FBN2: variants seen among roughly 807,000 people sequenced by gnomAD.
FBN2 encodes the protein fibrillin 2.
FBN2 carries 105 observed loss-of-function variants against 355.6 expected under a neutral mutation model. The observed-to-expected ratio is 0.30, with a 90% confidence interval of 0.25 to 0.35. FBN2 has a LOEUF of 0.35. Among genes scored for constraint, FBN2 ranks in the 10% least tolerant of loss-of-function variants. The pLI is 1.00. For missense variants in FBN2, 3,280 were observed against 3,758.7 expected, an observed-to-expected ratio of 0.87 and a Z score of 3.33; for synonymous variants, 1,350 against 1,301.2, an observed-to-expected ratio of 1.04 and a Z score of -0.81.
chr5:128,390,537 G>A (rs1240305069), intron 11 of FBN2, among the ~76,000 whole-genome samples: 4 of 152,140 alleles, frequency 2.6e-5, no homozygotes, highest in Non-Finnish European at 5.9e-5. Context: ...AATTGGTGAA[G>A]CCACAAAATT....
intron 4 of FBN2, among the ~76,000 whole-genome samples, chr5:128,524,275 TTC>T (rs1756509623): frequency 6.6e-6 from 1 of 152,170 alleles, no homozygotes; most frequent in African/African-American, 2.4e-5. Context: ...CAATGTCACC[TTC>T]TCAGAGACCC....
At chr5:128,486,360 C>T (rs567513351) in intron 5 of FBN2, among the ~76,000 whole-genome samples, 2 of 152,228 alleles carry the variant, frequency 1.3e-5, no homozygotes, top group Admixed American at 6.5e-5. Flanking sequence ...AAGATAACCC[C>T]ATTGACAACT....
Position 128,448,414 on chromosome 5 carries a change from C to T in FBN2, c.827-1808G>A, listed in dbSNP as rs192450497. Reference sequence around the variant, plus strand: ...CTCCACCTCCCAGGTTCAAGCGATTCTCCTGCCTCAGCCTTCCTGAGTAGC... The same window carrying T: ...CTCCACCTCCCAGGTTCAAGCGATTTTCCTGCCTCAGCCTTCCTGAGTAGC... On this transcript the variant is annotated intron_variant, in intron 6 of 64. Coordinates refer to ENST00000262464, the MANE Select transcript of FBN2 (RefSeq NM_001999.4). 2.4e-3 allele frequency among the ~76,000 whole-genome samples: 358 copies of T among 152,092 alleles called. 2 individuals are homozygous for T. Among genetic ancestry groups the T allele is most frequent in the African/African-American group, 8.3e-3 (343 of 41,482 alleles).
Position 128,335,179 on chromosome 5 carries a change from T to C in FBN2, c.3964A>G (p.Thr1322Ala), listed in dbSNP as rs367614052. ...TTCTTATGATACCCACCAATGCATG[T>C]TTTCATGTCCATGGAAGCCATGAAG... ...DGFMASMDMK[T>A]CIDVNECDLN... Residue 1322 changes from threonine to alanine, a missense_variant, in exon 30 of 65, where the codon ACA becomes GCA. Physicochemically the swap from Thr to Ala is moderately conservative, Grantham distance 58 (BLOSUM62 0). Around this residue, in one of 6 missense-constraint regions of FBN2, gnomAD observed 2,284 missense variants for 2,749.5 expected, o/e 0.83. Coordinates refer to ENST00000262464, the MANE Select transcript of FBN2 (RefSeq NM_001999.4). 2.5e-5 allele frequency: 40 copies of C among 1,614,048 alleles called. 1 individual carries two copies. In the South Asian group the frequency reaches 4.3e-4, roughly 17 times the overall value.
intron 6 of FBN2, among the ~76,000 whole-genome samples, chr5:128,451,797 A>T (rs1281264144): frequency 6.6e-6 from 1 of 152,232 alleles, no homozygotes; most frequent in African/African-American, 2.4e-5. Context: ...AAATCAGAGA[A>T]AAAATATGGT....
At position 128,311,933 on chromosome 5, in the gene FBN2, G is replaced by C; in HGVS notation, c.4900C>G (p.Pro1634Ala). 1 of 1,611,502 alleles carries C rather than the reference G, an allele frequency of 6.2e-7. No individual in the cohort carries two copies. Among genetic ancestry groups the C allele is most frequent in the Non-Finnish European group, 8.5e-7 (1 of 1,177,820 alleles). Residue 1634 changes from proline to alanine, a missense_variant, in exon 38 of 65, where the codon CCC (proline) becomes GCC (alanine). This residue lies in a region of FBN2 where 2,284 missense variants were observed against 2,749.5 expected (regional missense o/e 0.83). Coordinates refer to ENST00000262464, the MANE Select transcript of FBN2 (RefSeq NM_001999.4). Reference protein sequence around the residue: ...VNSTEYYTLCPGGEGFRPNPI... With the variant: ...VNSTEYYTLCAGGEGFRPNPI... Reference sequence around the variant, plus strand: ...TTAGGTCTGAAGCCTTCACCTCCGGGACACAGGGTGTAATATTCAGCTACA... The same window carrying C: ...TTAGGTCTGAAGCCTTCACCTCCGGCACACAGGGTGTAATATTCAGCTACA...
At chr5:128,536,367 G>C (rs372531375) in intron 2 of FBN2, 35 bp downstream of exon 2, 2 of 1,561,798 alleles carry the variant, frequency 1.3e-6, no homozygotes, top group Non-Finnish European at 1.8e-6. Context: ...GGCCGAGTGC[G>C]CTGCCCCAAG....
chr5:128,375,183 C>T (rs976001785), intron 14 of FBN2, among the ~76,000 whole-genome samples: 1 of 152,098 alleles, frequency 6.6e-6, no homozygotes, highest in Admixed American at 6.5e-5. Context: ...TTTCAATCCA[C>T]TTGAATTTAT....
At chr5:128,316,686 T>C (rs1750211020) in intron 36 of FBN2, among the ~76,000 whole-genome samples, 1 of 152,216 alleles carries the variant, frequency 6.6e-6, no homozygotes, top group Non-Finnish European at 1.5e-5. Flanking sequence ...GGTTTCCTAA[T>C]TTTTGCCAGT....
intron 7 of FBN2, among the ~76,000 whole-genome samples, chr5:128,441,280 C>T (rs1753912604): frequency 6.6e-6 from 1 of 152,200 alleles, no homozygotes; most frequent in Admixed American, 6.5e-5. Context: ...GAGAATCACA[C>T]TCTTACTGCA....
Position 128,446,506 on chromosome 5 carries a change from CTGTT to C in FBN2, c.923_926del (p.Lys308ArgfsTer42). 6.2e-7 allele frequency: 1 copy of C among 1,613,998 alleles called. No homozygotes were observed. Among genetic ancestry groups the C allele is most frequent in the Non-Finnish European group, 8.5e-7 (1 of 1,179,916 alleles). ...CTTCACATTTCTGAGTAGTTTCACT[CTGTT>C]TGTGACCAGCAGGGCATCTGCATTC... is the stretch of plus-strand genomic sequence containing the variant. On this transcript the variant is annotated frameshift_variant, in exon 7 of 65. Transcript: ENST00000262464. LOFTEE classifies it high-confidence loss of function.
At chr5:128,442,124 C>A (rs752985035) in intron 7 of FBN2, 1 of 326,550 alleles carries the variant, frequency 3.1e-6, no homozygotes, top group Admixed American at 4.4e-5. Flanking sequence ...TTTGTTGTCA[C>A]AAGTCTCAAA....
rs138659121 is a variant in FBN2, at chr5:128,263,517, C to G, written c.8100G>C (p.Ser2700=). 2.4e-5 allele frequency: 38 copies of G among 1,614,086 alleles called. No homozygotes were observed. Among genetic ancestry groups the G allele is most frequent in the Non-Finnish European group, 3.2e-5 (38 of 1,180,002 alleles). ...SSACHDVNEC[S]SSKNPCNYGC... Reference sequence around the variant, plus strand: ...CGTAATTGCAGGGGTTCTTGGAGGACGAGCACTCATTCACGTCGTGGCAGG... The same window carrying G: ...CGTAATTGCAGGGGTTCTTGGAGGAGGAGCACTCATTCACGTCGTGGCAGG... The change falls in exon 63 of 65, where the codon TCG becomes TCC. Residue 2700 remains serine (S), a synonymous_variant. Transcript: ENST00000262464.
chr5:128,516,514 T>A (rs1265030075), intron 5 of FBN2, among the ~76,000 whole-genome samples: 1 of 152,050 alleles, frequency 6.6e-6, no homozygotes, highest in African/African-American at 2.4e-5. Context: ...TGGTTACTAC[T>A]CAGTCTCTGG....
At chr5:128,369,835 G>A (rs1055636069) in intron 15 of FBN2, among the ~76,000 whole-genome samples, 1 of 152,126 alleles carries the variant, frequency 6.6e-6, no homozygotes, top group African/African-American at 2.4e-5. Flanking sequence ...CCAGGATACT[G>A]CTTGTGACTG....
intron 61 of FBN2, 41 bp downstream of exon 61, chr5:128,273,799 T>A: frequency 6.3e-7 from 1 of 1,592,836 alleles, no homozygotes; most frequent in Non-Finnish European, 8.6e-7. Flanking sequence ...ATATATGGTT[T>A]ACTGTTATTA....
In FBN2 at chr5:128,312,617, T is replaced by G; in HGVS notation, c.4879+17A>C. The G allele has an allele frequency of 6.2e-7, 1 of 1,614,006 alleles. No homozygotes were observed. Among genetic ancestry groups the G allele is most frequent in the African/African-American group, 1.3e-5 (1 of 75,044 alleles). On this transcript the variant is annotated intron_variant, in intron 37 of 64. Coordinates refer to ENST00000262464, the MANE Select transcript of FBN2 (RefSeq NM_001999.4). ...ATACCAGTTGGTTTTCTTCCTCTTCTTCAGCTTTGTACTTACTGCTATTGA... is the reference window on the plus strand; with the variant it reads ...ATACCAGTTGGTTTTCTTCCTCTTCGTCAGCTTTGTACTTACTGCTATTGA...
intron 36 of FBN2, among the ~76,000 whole-genome samples, chr5:128,313,867 A>C (rs1351362422): frequency 6.6e-6 from 1 of 151,274 alleles, no homozygotes; most frequent in Non-Finnish European, 1.5e-5. Context: ...AAAAAAAAAA[A>C]AAAAAAAAAC....
At chr5:128,470,768 T>A (rs1007164794) in intron 5 of FBN2, among the ~76,000 whole-genome samples, 6 of 152,028 alleles carry the variant, frequency 3.9e-5, no homozygotes, top group African/African-American at 1.4e-4. Context: ...ATACATCAGC[T>A]GCCCATGTGG....
Sources: allele counts gnomAD v4.1 joint callset (sites outside exome capture counted in the v4.1 genomes callset), GRCh38; gene constraint gnomAD v4.1.1; regional missense constraint gnomAD v4.1.1; transcripts MANE v1.5; gene names NCBI Gene and HGNC (gene_info 2026-07-23, HGNC 2026-07-21).